SLC6A12: variants seen among roughly 807,000 people sequenced by gnomAD.
SLC6A12 encodes the protein sodium- and chloride-dependent betaine transporter.
SLC6A12 carries 50 observed loss-of-function variants against 73.3 expected under a neutral mutation model. The observed-to-expected ratio is 0.68, with a 90% CI of 0.54 to 0.86. SLC6A12 has a LOEUF of 0.86. SLC6A12 is among the 40% of genes least tolerant of loss of function. The pLI, the probability that SLC6A12 is intolerant of heterozygous loss-of-function variation, is 0.00. For synonymous variants in SLC6A12, 304 were observed against 309.2 expected (o/e 0.98, Z 0.18); for missense variants, 648 against 772.8 (o/e 0.84, Z 1.92).
At chr12:208,306 GC>G (rs148193913) in intron 3 of SLC6A12, among the ~76,000 whole-genome samples, 3,177 of 152,270 alleles carry the variant, frequency 0.021, 82 homozygotes, top group African/African-American at 0.062. Context: ...GACTGAGCCA[GC>G]CCAAGAAAGC....
At chr12:190,051 A>T (rs1939527370), downstream of SLC6A12, 1 of 147,240 alleles carries the variant, frequency 6.8e-6, no homozygotes, top group Non-Finnish European at 1.5e-5. Context: ...CTCAACAGAA[A>T]CGGAGCAAGG....
At position 198,586 on chromosome 12, in the gene SLC6A12, T is replaced by A. The variant is rs191898554; in HGVS notation, c.846+211A>T. On this transcript the variant is annotated intron_variant, in intron 8 of 15. Transcript: ENST00000684302. This position sits in a 1 kb window ranked among gnomAD's most constrained non-coding sequence, Gnocchi z 4.0. ...CTGTCTCTAAGTAAGAGAAAAAAAA[T>A]TTTTTAAGAAAAAAAGTTATATTTG... 104 of 501,014 alleles carry A rather than the reference T, an allele frequency of 2.1e-4. No individual in the cohort carries two copies. Among genetic ancestry groups the A allele is most frequent in the East Asian group, 1.9e-3 (55 of 28,770 alleles). 31.0% of individuals were successfully genotyped at this position (501,014 alleles called of 1,614,324 possible).
chr12:199,530 T>TA (rs138964115), intron 7 of SLC6A12, among the ~76,000 whole-genome samples: 9,767 of 152,200 alleles, frequency 0.064, 545 homozygotes, highest in South Asian at 0.18. Context: ...TCTCTGCCAC[T>TA]AAGCAAACTC....
chr12:202,640 G>T, intron 5 of SLC6A12, 100 bp downstream of exon 5: 3 of 1,293,066 alleles, frequency 2.3e-6, no homozygotes, highest in South Asian at 1.5e-5. Flanking sequence ...CTGCCAGGCA[G>T]GTTCTGCTAC....
In SLC6A12 at chr12:201,847, G is replaced by T. The variant is rs779408745; in HGVS notation, c.493C>A (p.His165Asn). ...TTCNNFWNTE[H>N]CTDFLNHSGA... ...GAGTGGTTCAGAAAGTCCGTGCAAT[G>T]CTCTGTTGGGGACAAGGTTAGGGAC... Residue 165 changes from histidine to asparagine, a missense_variant and splice_region_variant, in exon 6 of 16, where the codon CAT becomes AAT. Coordinates refer to ENST00000684302, the MANE Select transcript of SLC6A12 (RefSeq NM_001122848.3). 2 of 1,613,530 alleles carry T rather than the reference G, an allele frequency of 1.2e-6. No individual in the cohort carries two copies. The highest frequency in any genetic ancestry group is 2.2e-5 in the South Asian group (2 of 91,066).
downstream of SLC6A12, among the ~76,000 whole-genome samples, chr12:185,139 G>T (rs1321630372): frequency 6.6e-6 from 1 of 152,148 alleles, no homozygotes; most frequent in African/African-American, 2.4e-5. Flanking sequence ...AAAGAACCAA[G>T]AGGAAAACAA....
At chr12:197,197 T>TCCATCCATCCATCTATCCATCCATCTATC (rs1939960234) in intron 10 of SLC6A12, among the ~76,000 whole-genome samples, 180 bp downstream of exon 10, 1 of 6,174 alleles carries the variant, frequency 1.6e-4, no homozygotes, top group Non-Finnish European at 2.8e-4. Context: ...ATCCATCCAT[T>TCCATCCATCCATCTATCCATCCATCTATC]CATCCATCCA....
downstream of SLC6A12, among the ~76,000 whole-genome samples, chr12:186,932 CTG>C (rs1036603934): frequency 2.0e-5 from 3 of 152,210 alleles, no homozygotes; most frequent in African/African-American, 7.2e-5. Context: ...CCCCCAACCA[CTG>C]CCCTCTGCTG....
chr12:195,069 G>A (rs574076124), intron 13 of SLC6A12, among the ~76,000 whole-genome samples, 156 bp downstream of exon 13: 5 of 152,134 alleles, frequency 3.3e-5, no homozygotes, highest in African/African-American at 9.7e-5. Context: ...TCCCAGCCAC[G>A]GGTAAATTTC....
rs115593183 is a variant in SLC6A12 at position 194,312 on chromosome 12, A to G, written c.1429+913T>C. Among the ~76,000 whole-genome samples, 609 of 152,352 alleles carry G rather than the reference A, an allele frequency of 4.0e-3. 6 individuals carry two copies. The highest frequency in any genetic ancestry group is 0.014 in the African/African-American group (565 of 41,574). ...AGGAAGGAACGTCTCCATGGAGAGG[A>G]AAGGACACAAGTGGGAAGGCTTAGG... On this transcript the variant is annotated intron_variant, in intron 13 of 15. Transcript: ENST00000684302.
chr12:197,540 A>G (rs780556220), intron 9 of SLC6A12, 39 bp from the exon 10 acceptor site: 1 of 1,589,966 alleles, frequency 6.3e-7, no homozygotes, highest in Non-Finnish European at 8.6e-7. Context: ...AACGGGGAGG[A>G]AAAGAGAGGA....
chr12:201,641 G>T, intron 6 of SLC6A12, 121 bp downstream of exon 6: 1 of 747,954 alleles, frequency 1.3e-6, no homozygotes, highest in African/African-American at 1.7e-5. Context: ...GGAGTGGGGC[G>T]GGGGAGGAAG....
chr12:197,892 G>T lies in SLC6A12; in HGVS notation c.950+8C>A. 2 of 1,577,346 alleles carry T rather than the reference G, an allele frequency of 1.3e-6. No homozygotes were observed. The highest frequency in any genetic ancestry group is 1.7e-6 in the Non-Finnish European group (2 of 1,152,438). ...CCTTCACCCCACCCCGGCCCACGCT[G>T]TTCTCACTTGTAGCAGTTGTTGTGA... is the stretch of plus-strand genomic sequence containing the variant. On this transcript the variant is annotated splice_region_variant and intron_variant, in intron 9 of 15. Transcript: ENST00000684302.
chr12:200,283 T>C (rs1940168533), intron 7 of SLC6A12, among the ~76,000 whole-genome samples: 1 of 151,060 alleles, frequency 6.6e-6, no homozygotes, highest in African/African-American at 2.5e-5. Flanking sequence ...TAATTTTTTG[T>C]ATTTTTAGTA....
intron 2 of SLC6A12, 177 bp from the exon 3 acceptor site, chr12:210,220 T>C (rs918291647): frequency 8.6e-7 from 1 of 1,165,950 alleles, no homozygotes; most frequent in Non-Finnish European, 1.2e-6. Context: ...TTTTCTGAGT[T>C]TGCAGATGAG....
Position 195,334 on chromosome 12 carries a change from G to C in SLC6A12, c.1327-7C>G. The C allele has an allele frequency of 6.4e-7, 1 of 1,574,302 alleles. No homozygotes were observed. The highest frequency in any genetic ancestry group is 8.7e-7 in the Non-Finnish European group (1 of 1,143,668). ...GGAAGATGTACATCCCGCCCTGTGG[G>C]GAGAGCGTGGAGCTGGGGCATGGCC... On this transcript the variant is annotated splice_region_variant and splice_polypyrimidine_tract_variant and intron_variant, in intron 12 of 15. Transcript: ENST00000684302.
At chr12:191,303 G>A (rs188774424) in intron 15 of SLC6A12, 92 bp from the exon 16 acceptor site, 20 of 1,123,514 alleles carry the variant, frequency 1.8e-5, no homozygotes, top group African/African-American at 1.5e-4. Context: ...AGCCCAGAGC[G>A]GAGCACATGG....
At chr12:185,648 C>A (rs1939417669), downstream of SLC6A12, among the ~76,000 whole-genome samples, 1 of 152,166 alleles carries the variant, frequency 6.6e-6, no homozygotes, top group Non-Finnish European at 1.5e-5. Flanking sequence ...AGCAAGCTCC[C>A]CTCTCTGTCT....
At position 192,043 on chromosome 12, in the gene SLC6A12, G is replaced by A. The variant is rs75895917; in HGVS notation, c.1701+435C>T. Among the ~76,000 whole-genome samples, 23 of 152,328 alleles carry A rather than the reference G, an allele frequency of 1.5e-4. No individual in the cohort carries two copies. The East Asian group carries it at 3.3e-3, about 22-fold the overall frequency. ...AAACTCTAGACAGGGAGCCTCTTGC[G>A]TGTGTCCCCAGGCAGAGTTAAGAAA... On this transcript the variant is annotated intron_variant, in intron 15 of 15. Transcript: ENST00000684302.
Sources: gnomAD v4.1 joint callset for allele counts (sites outside exome capture counted in the v4.1 genomes callset) on GRCh38, gnomAD v4.1.1 for gene constraint, Gnocchi (gnomAD v3.1) non-coding constraint, MANE v1.5 for transcripts, NCBI Gene and HGNC (gene_info 2026-07-23, HGNC 2026-07-21) for gene names.